The following SMARCAL1 variants were observed in gnomAD, a reference collection of about 807,000 sequenced individuals.
SMARCAL1 encodes SNF2 related chromatin remodeling annealing helicase 1, also known as ATP-driven annealing helicase.
A neutral mutation model predicts 94.5 loss-of-function variants in SMARCAL1; 58 were observed. The observed-to-expected ratio is 0.61, with a 90% confidence interval of 0.50 to 0.76. SMARCAL1 has a LOEUF of 0.76. Among genes scored for constraint, SMARCAL1 ranks in the 30% least tolerant of loss-of-function variants. The pLI is 0.00. For synonymous variants in SMARCAL1, 422 were observed against 455.1 expected, an observed-to-expected ratio of 0.93 and a Z score of 0.93; for missense variants, 1,051 against 1,177.9, an observed-to-expected ratio of 0.89 and a Z score of 1.58.
chr2:216,419,872 A>G (rs1040476419), intron 4 of SMARCAL1, among the ~76,000 whole-genome samples: 4 of 151,860 alleles, frequency 2.6e-5, no homozygotes, highest in Admixed American at 2.0e-4. Context: ...TCTACAAAAA[A>G]TACGAAAACT....
chr2:216,414,623 C>T lies in SMARCAL1; in HGVS notation c.-58-24C>T, dbSNP rs1693544020. 5.0e-6 allele frequency: 6 copies of T among 1,199,798 alleles called. No homozygotes were observed. The South Asian group carries it at 6.2e-5, about 12-fold the overall frequency. 74.3% of individuals were successfully genotyped at this position (1,199,798 alleles called of 1,614,324 possible). On this transcript the variant is annotated intron_variant, in intron 2 of 17. Coordinates refer to ENST00000357276, the MANE Select transcript of SMARCAL1 (RefSeq NM_014140.4). ...CAATTAATACATGTAATGTTCATTT[C>T]ATTCTTCTTACTTTCTTCCACAGCT...
intron 7 of SMARCAL1, among the ~76,000 whole-genome samples, chr2:216,431,249 C>T (rs572835674): frequency 9.2e-5 from 14 of 152,336 alleles, no homozygotes; most frequent in Admixed American, 8.5e-4. Context: ...ACTTCTTGTC[C>T]GCCCTGCTAG....
intron 11 of SMARCAL1, among the ~76,000 whole-genome samples, chr2:216,448,747 G>A (rs995117508): frequency 7.2e-5 from 11 of 151,934 alleles, no homozygotes; most frequent in Non-Finnish European, 1.5e-4. Flanking sequence ...CACGAGAATC[G>A]CTTCAACCCA....
At chr2:216,464,701 C>A (rs775289970) in intron 13 of SMARCAL1, 34 bp downstream of exon 13, 8 of 1,324,526 alleles carry the variant, frequency 6.0e-6, no homozygotes, top group Non-Finnish European at 8.6e-6. Flanking sequence ...CTCTCTCTCT[C>A]TCATCTTCAA....
intron 14 of SMARCAL1, among the ~76,000 whole-genome samples, chr2:216,469,279 CTTTTTTTTTTT>C (rs71054477): frequency 5.8e-5 from 6 of 103,000 alleles, no homozygotes; most frequent in African/African-American, 1.2e-4. Context: ...TTAGAGATTT[CTTTTTTTTTTT>C]TTTTTTTTTT....
rs1343943932 is a variant in SMARCAL1 at position 216,446,584 on chromosome 2, C to G, written c.1711-434C>G. 2.1e-5 allele frequency: 9 copies of G among 427,288 alleles called. No individual in the cohort carries two copies. In the Admixed American group the frequency reaches 2.2e-4, roughly 11 times the overall value. 26.5% of individuals were successfully genotyped at this position (427,288 alleles called of 1,614,324 possible). A position where few individuals can be genotyped will look rare whatever the true frequency, so the allele number is the denominator to read the frequency against. ...GACCTGCCACTGTCTTCTCCCACTT[C>G]CTGTCCAATGCTGGATTCTTTGAGT... On this transcript the variant is annotated intron_variant, in intron 10 of 17. Transcript: ENST00000357276.
intron 17 of SMARCAL1, among the ~76,000 whole-genome samples, chr2:216,478,540 C>A (rs1178731027): frequency 6.6e-6 from 1 of 152,216 alleles, no homozygotes; most frequent in South Asian, 2.1e-4. Context: ...AATGCTGCCT[C>A]TTCCAGCAGG....
intron 12 of SMARCAL1, among the ~76,000 whole-genome samples, chr2:216,458,737 G>T (rs1395787736): frequency 1.3e-5 from 2 of 152,178 alleles, no homozygotes; most frequent in Admixed American, 1.3e-4. Context: ...TACTGAATTG[G>T]CAAAAACTGG....
intron 11 of SMARCAL1, among the ~76,000 whole-genome samples, chr2:216,447,727 T>G (rs1694351080): frequency 6.6e-6 from 1 of 151,946 alleles, no homozygotes; most frequent in Non-Finnish European, 1.5e-5. Flanking sequence ...CCAAACTGCC[T>G]TGGGTGGGCT....
chr2:216,475,254 C>A lies in SMARCAL1; in HGVS notation c.2245-15C>A. The A allele has an allele frequency of 6.2e-7, 1 of 1,613,924 alleles. No individual in the cohort carries two copies. Among genetic ancestry groups the A allele is most frequent in the Non-Finnish European group, 8.5e-7 (1 of 1,179,978 alleles). ...GGGCTGTTGCCCACCTTGCTTCTGC[C>A]CCTTGTTCCTGCAGCACGTGCAGCA... On this transcript the variant is annotated splice_polypyrimidine_tract_variant and intron_variant, in intron 14 of 17. Coordinates refer to ENST00000357276, the MANE Select transcript of SMARCAL1 (RefSeq NM_014140.4). This position sits in a 1 kb window ranked among gnomAD's most constrained non-coding sequence, Gnocchi z 4.4.
At chr2:216,458,469 A>G (rs1574472684) in intron 12 of SMARCAL1, among the ~76,000 whole-genome samples, 1 of 152,220 alleles carries the variant, frequency 6.6e-6, no homozygotes, top group East Asian at 1.9e-4. Flanking sequence ...CAACACATCA[A>G]AAAGCTTATC....
At chr2:216,457,797 C>T (rs1175669945) in intron 12 of SMARCAL1, among the ~76,000 whole-genome samples, 1 of 152,088 alleles carries the variant, frequency 6.6e-6, no homozygotes, top group East Asian at 1.9e-4. Context: ...CAAGAGCAAA[C>T]ATTCAAAAGA....
At chr2:216,433,705 C>G (rs1238031498) in intron 8 of SMARCAL1, among the ~76,000 whole-genome samples, 2 of 152,074 alleles carry the variant, frequency 1.3e-5, no homozygotes, top group African/African-American at 4.8e-5. Flanking sequence ...ATCCAGGAAT[C>G]AGAGTGCTTT....
chr2:216,477,650 C>T (rs1466754690), intron 16 of SMARCAL1, among the ~76,000 whole-genome samples: 1 of 152,128 alleles, frequency 6.6e-6, no homozygotes, highest in Non-Finnish European at 1.5e-5. Flanking sequence ...AAGTGGCTTA[C>T]CCTGGACTGT....
chr2:216,462,416 T>G (rs943546247), intron 12 of SMARCAL1, among the ~76,000 whole-genome samples: 1 of 152,196 alleles, frequency 6.6e-6, no homozygotes, highest in Non-Finnish European at 1.5e-5. Flanking sequence ...CTTTGGCTAC[T>G]AGAAACTGCA....
At position 216,464,744 on chromosome 2, in the gene SMARCAL1, C is replaced by T. The variant is rs890812961; in HGVS notation, c.2141+77C>T. 1.8e-5 allele frequency: 18 copies of T among 1,028,028 alleles called. No homozygotes were observed. The South Asian group carries it at 2.0e-4, about 12-fold the overall frequency. 63.7% of individuals were successfully genotyped at this position (1,028,028 alleles called of 1,614,324 possible). ...AAAAACAACTTATTACTTTATTCTG[C>T]CTGAATGATTTTACTGCGTCTAAGA... On this transcript the variant is annotated intron_variant, in intron 13 of 17. Coordinates refer to ENST00000357276, the MANE Select transcript of SMARCAL1 (RefSeq NM_014140.4).
intron 5 of SMARCAL1, among the ~76,000 whole-genome samples, chr2:216,421,099 G>A (rs1373510077): frequency 2.0e-5 from 3 of 152,092 alleles, no homozygotes; most frequent in Non-Finnish European, 4.4e-5. Context: ...TCTGCTCTCG[G>A]CCTGCCCATC....
intron 12 of SMARCAL1, among the ~76,000 whole-genome samples, chr2:216,456,131 A>G (rs1351654623): frequency 6.6e-6 from 1 of 151,834 alleles, no homozygotes; most frequent in African/African-American, 2.4e-5. Flanking sequence ...GAAATGAAGC[A>G]AGAAGAGAAG....
chr2:216,476,714 A>C (rs1231922039), intron 15 of SMARCAL1, among the ~76,000 whole-genome samples: 1 of 152,170 alleles, frequency 6.6e-6, no homozygotes, highest in African/African-American at 2.4e-5. Context: ...ATTTATTTAG[A>C]AGATAACTTT....
Sources: allele counts gnomAD v4.1 joint callset (sites outside exome capture counted in the v4.1 genomes callset), GRCh38; gene constraint gnomAD v4.1.1; non-coding constraint Gnocchi (gnomAD v3.1); transcripts MANE v1.5; gene names NCBI Gene and HGNC (gene_info 2026-07-23, HGNC 2026-07-21).